Variants in CBL observed in about 807,000 individuals in gnomAD.
CBL encodes the protein Cbl proto-oncogene.
CBL carries 45 observed loss-of-function variants against 96.9 expected under a neutral mutation model. The observed-to-expected ratio is 0.46, with a 90% confidence interval of 0.37 to 0.60. CBL has a LOEUF of 0.60. CBL is among the 20% of genes least tolerant of loss of function. The pLI, the probability that CBL is intolerant of heterozygous loss-of-function variation, is 0.00. For missense variants in CBL, 1,024 were observed against 1,143.5 expected, an observed-to-expected ratio of 0.90 and a Z score of 1.51; for synonymous variants, 420 against 426.8, an observed-to-expected ratio of 0.98 and a Z score of 0.20.
intron 1 of CBL, among the ~76,000 whole-genome samples, chr11:119,224,683 CG>C (rs1565857644): frequency 6.6e-6 from 1 of 151,932 alleles, no homozygotes; most frequent in Non-Finnish European, 1.5e-5. Flanking sequence ...CTCTGCCTCC[CG>C]GGTTCAAGCG....
chr11:119,273,495 C>G (rs978640920), intron 3 of CBL, among the ~76,000 whole-genome samples: 4 of 152,200 alleles, frequency 2.6e-5, no homozygotes, highest in Admixed American at 6.5e-5. Flanking sequence ...CACGATCTCA[C>G]TTGCAACCTC....
At position 119,277,746 on chromosome 11, in the gene CBL, A is replaced by G. The variant is rs1173312041; in HGVS notation, c.1008-11A>G. The G allele has an allele frequency of 1.0e-5, 16 of 1,602,174 alleles. No homozygotes were observed. The highest frequency in any genetic ancestry group is 2.7e-5 in the African/African-American group (2 of 74,786). Reference sequence around the variant, plus strand: ...GCTTAAATAAAACCCAGGGTTGGTTACTCTTTACAGCTATTTGTTTCCTGA... The same window carrying G: ...GCTTAAATAAAACCCAGGGTTGGTTGCTCTTTACAGCTATTTGTTTCCTGA... On this transcript the variant is annotated splice_polypyrimidine_tract_variant and intron_variant, in intron 6 of 15. Coordinates refer to ENST00000264033, the MANE Select transcript of CBL (RefSeq NM_005188.4).
At chr11:119,226,523 T>C (rs1379273399) in intron 1 of CBL, among the ~76,000 whole-genome samples, 3 of 152,022 alleles carry the variant, frequency 2.0e-5, no homozygotes, top group Non-Finnish European at 4.4e-5. Flanking sequence ...CTGTGGCATG[T>C]CTCAGCTCAC....
Position 119,306,723 on chromosome 11 carries a change from A to C in CBL, c.*6942A>C, listed in dbSNP as rs1223267987. 1 of 249,620 alleles carries C rather than the reference A, an allele frequency of 4.0e-6. No individual in the cohort carries two copies. Among genetic ancestry groups the C allele is most frequent in the Non-Finnish European group, 7.7e-6 (1 of 129,332 alleles). The allele number at this position is 249,620 out of a possible 1,614,324, so 15.5% of individuals were successfully genotyped here. ...GTCTGGGTGAGTGAGCCTGCAACGC[A>C]ATGCCCATGAGAGTAAATGCCTCCT... is the stretch of plus-strand genomic sequence containing the variant. On this transcript the variant is annotated 3_prime_UTR_variant, in exon 16 of 16. Transcript: ENST00000264033.
intron 2 of CBL, among the ~76,000 whole-genome samples, chr11:119,270,185 G>T (rs972609147): frequency 4.7e-5 from 7 of 150,084 alleles, no homozygotes; most frequent in African/African-American, 1.5e-4. Flanking sequence ...TCTGATCAAA[G>T]GACACATGGA....
chr11:119,248,535 T>C (rs1222535842), intron 2 of CBL, among the ~76,000 whole-genome samples: 1 of 152,126 alleles, frequency 6.6e-6, no homozygotes, highest in Non-Finnish European at 1.5e-5. Flanking sequence ...ATTTAAGAAC[T>C]AAAATACAAA....
intron 9 of CBL, among the ~76,000 whole-genome samples, chr11:119,283,783 G>A (rs1054840327): frequency 3.3e-5 from 5 of 150,840 alleles, no homozygotes; most frequent in Non-Finnish European, 7.4e-5. Flanking sequence ...GACTACAGGC[G>A]CCCGCCACCA....
rs766452521 is a variant in CBL at position 119,290,682 on chromosome 11, A to G, written c.2036+2736A>G. ...CTATTTTTGTTTTGTTTTGTTTAGT[A>G]TGTTTTGTTTTGAGACAGAGTCTTG... is the stretch of plus-strand genomic sequence containing the variant. On this transcript the variant is annotated intron_variant, in intron 12 of 15. Coordinates refer to ENST00000264033, the MANE Select transcript of CBL (RefSeq NM_005188.4). Among the ~76,000 whole-genome samples the G allele has an allele frequency of 2.8e-4, 41 of 146,198 alleles. 1 individual carries two copies. Among genetic ancestry groups the G allele is most frequent in the Non-Finnish European group, 5.3e-4 (35 of 66,482 alleles).
intron 2 of CBL, among the ~76,000 whole-genome samples, chr11:119,244,740 G>A (rs778352411): frequency 3.3e-5 from 5 of 151,850 alleles, no homozygotes; most frequent in Non-Finnish European, 5.9e-5. Flanking sequence ...TTGTAGAGAC[G>A]GGATTTTGCC....
chr11:119,262,473 G>GA (rs1389340881), intron 2 of CBL, among the ~76,000 whole-genome samples: 1 of 152,188 alleles, frequency 6.6e-6, no homozygotes, highest in East Asian at 1.9e-4. Context: ...AACATTAGGG[G>GA]AAACTGAAAC....
intron 2 of CBL, among the ~76,000 whole-genome samples, chr11:119,246,298 T>G (rs1020266616): frequency 1.3e-5 from 2 of 151,962 alleles, no homozygotes; most frequent in Non-Finnish European, 2.9e-5. Flanking sequence ...ATACATAGTT[T>G]AAGAGAATAC....
chr11:119,300,590 C>T lies in CBL; in HGVS notation c.*809C>T. The T allele has an allele frequency of 2.5e-6, 1 of 399,208 alleles. No individual in the cohort carries two copies. Among genetic ancestry groups the T allele is most frequent in the Non-Finnish European group, 4.4e-6 (1 of 226,146 alleles). The allele number at this position is 399,208 out of a possible 1,614,324, so 24.7% of individuals were successfully genotyped here. ...AGGCATGTTTGATACTAGCAGCTAA[C>T]ACTGGTCACTCCAAAGCACTGTTTC... On this transcript the variant is annotated 3_prime_UTR_variant, in exon 16 of 16. Coordinates refer to ENST00000264033, the MANE Select transcript of CBL (RefSeq NM_005188.4).
chr11:119,218,313 G>A (rs1308565693), intron 1 of CBL, among the ~76,000 whole-genome samples: 4 of 152,004 alleles, frequency 2.6e-5, no homozygotes, highest in Non-Finnish European at 5.9e-5. Flanking sequence ...AATCTCTGAG[G>A]AGACAAAAAG....
intron 2 of CBL, among the ~76,000 whole-genome samples, chr11:119,264,388 T>TCTCTTCTCTTCTCTTCTCTTCTC (rs1949780004): frequency 1.3e-4 from 17 of 133,848 alleles, no homozygotes; most frequent in African/African-American, 3.9e-4. Context: ...TTTCTTTTCT[T>TCTCTTCTCTTCTCTTCTCTTCTC]TTCTCTTCTC....
intron 1 of CBL, among the ~76,000 whole-genome samples, chr11:119,213,009 T>C (rs1264894989): frequency 6.6e-6 from 1 of 151,742 alleles, no homozygotes; most frequent in Non-Finnish European, 1.5e-5. Context: ...AGACAGAATC[T>C]TGACAGTGTT....
chr11:119,274,143 ATT>A (rs1949870043), intron 4 of CBL, 119 bp downstream of exon 4: 1 of 799,106 alleles, frequency 1.3e-6, no homozygotes, highest in African/African-American at 1.8e-5. Context: ...ATTTTAATTC[ATT>A]TTAGGAACTA....
At chr11:119,248,937 T>C (rs1038367017) in intron 2 of CBL, among the ~76,000 whole-genome samples, 1 of 152,202 alleles carries the variant, frequency 6.6e-6, no homozygotes, top group African/African-American at 2.4e-5. Flanking sequence ...GAGATACCAC[T>C]TCACAGCTGT....
At chr11:119,254,758 C>A (rs1350544223) in intron 2 of CBL, among the ~76,000 whole-genome samples, 1 of 152,040 alleles carries the variant, frequency 6.6e-6, no homozygotes, top group Non-Finnish European at 1.5e-5. Flanking sequence ...TGCACCACCA[C>A]GCCCAGCTAA....
intron 9 of CBL, among the ~76,000 whole-genome samples, chr11:119,282,263 G>T (rs1351030009): frequency 6.6e-6 from 1 of 151,914 alleles, no homozygotes; most frequent in East Asian, 1.9e-4. Flanking sequence ...GCTTGAACCT[G>T]GGAGGCAGAG....
Sources: gnomAD v4.1 joint callset for allele counts (sites outside exome capture counted in the v4.1 genomes callset) on GRCh38, gnomAD v4.1.1 for gene constraint, MANE v1.5 for transcripts, NCBI Gene and HGNC (gene_info 2026-07-23, HGNC 2026-07-21) for gene names.